NEMP2: variants seen among roughly 807,000 people sequenced by gnomAD.
NEMP2 encodes UPF0571 transmembrane protein.
In NEMP2, 53 loss-of-function variants were observed where a neutral mutation model predicts 54.2. That is an observed-to-expected ratio of 0.98 (90% CI 0.78 to 1.23). NEMP2 has a LOEUF of 1.23. NEMP2 is among the 50% of genes most tolerant of loss of function. The pLI is 0.00. For synonymous variants in NEMP2, 197 were observed against 190.3 expected (o/e 1.04, Z -0.29); for missense variants, 455 against 511.3 (o/e 0.89, Z 1.06).
the NEMP2 span, among the ~76,000 whole-genome samples, chr2:190,590,924 C>CTGGATT: frequency 1.3e-5 from 2 of 152,062 alleles, no homozygotes; most frequent in Non-Finnish European, 2.9e-5. The surrounding 1 kb of genome is among the most constrained non-coding windows in gnomAD (Gnocchi z 5.1). Flanking sequence ...GCTATATTCC[C>CTGGATT]ACAATGAAGA....
the NEMP2 span, among the ~76,000 whole-genome samples, chr2:190,449,067 A>G: frequency 6.6e-6 from 1 of 152,254 alleles, no homozygotes; most frequent in African/African-American, 2.4e-5. Context: ...TTGTCTGTCT[A>G]TATTTTGCCC....
chr2:190,584,066 C>T, the NEMP2 span, among the ~76,000 whole-genome samples: 4 of 152,158 alleles, frequency 2.6e-5, no homozygotes, highest in Non-Finnish European at 4.4e-5. This position sits in a 1 kb window ranked among gnomAD's most constrained non-coding sequence, Gnocchi z 4.2. Context: ...TGCTTCCCCT[C>T]TGTTATTCCC....
At chr2:190,646,512 A>C in the NEMP2 span, among the ~76,000 whole-genome samples, 1 of 152,250 alleles carries the variant, frequency 6.6e-6, no homozygotes, top group Non-Finnish European at 1.5e-5. Context: ...ATACAGACAT[A>C]CAGAATTGGA....
chr2:190,430,278 T>C, the NEMP2 span, among the ~76,000 whole-genome samples: 64,592 of 145,632 alleles, frequency 0.44, 14,740 homozygotes, highest in Admixed American at 0.6. Context: ...GGTCATAGGA[T>C]AGTAGTGGAG....
the NEMP2 span, among the ~76,000 whole-genome samples, chr2:190,426,559 T>C: frequency 1.3e-5 from 2 of 152,212 alleles, no homozygotes; most frequent in African/African-American, 4.8e-5. This position sits in a 1 kb window ranked among gnomAD's most constrained non-coding sequence, Gnocchi z 4.7. Context: ...GGATTGGGCT[T>C]CTGCTGTACC....
chr2:190,471,099 T>A, the NEMP2 span, among the ~76,000 whole-genome samples: 1 of 152,230 alleles, frequency 6.6e-6, no homozygotes, highest in Non-Finnish European at 1.5e-5. The surrounding 1 kb of genome is among the most constrained non-coding windows in gnomAD (Gnocchi z 4.7). Context: ...CATTTAAGAA[T>A]AACAGGAGGG....
At chr2:190,569,789 C>G in the NEMP2 span, among the ~76,000 whole-genome samples, 2 of 152,224 alleles carry the variant, frequency 1.3e-5, 1 homozygote, top group Non-Finnish European at 2.9e-5. Context: ...TGTAATTCAA[C>G]TAGTCTTGCA....
chr2:190,445,014 C>T, the NEMP2 span: 3 of 236,866 alleles, frequency 1.3e-5, no homozygotes, highest in Non-Finnish European at 2.1e-5. Flanking sequence ...CCTGAGGATA[C>T]AAGCCTGAAG....
chr2:190,620,438 A>C, the NEMP2 span: 2 of 152,218 alleles, frequency 1.3e-5, no homozygotes, highest in Admixed American at 1.3e-4. This position sits in a 1 kb window ranked among gnomAD's most constrained non-coding sequence, Gnocchi z 4.9. Flanking sequence ...AAACAAAAAC[A>C]AAACAAAACA....
At chr2:190,447,594 C>T in the NEMP2 span, among the ~76,000 whole-genome samples, 1 of 152,128 alleles carries the variant, frequency 6.6e-6, no homozygotes. The surrounding 1 kb of genome is among the most constrained non-coding windows in gnomAD (Gnocchi z 4.5). Context: ...ACGTTTTAGG[C>T]ATTATAAGCT....
At chr2:190,595,171 T>C in the NEMP2 span, among the ~76,000 whole-genome samples, 2 of 152,192 alleles carry the variant, frequency 1.3e-5, no homozygotes, top group African/African-American at 4.8e-5. This position sits in a 1 kb window ranked among gnomAD's most constrained non-coding sequence, Gnocchi z 4.0. Context: ...CCCTATTTAA[T>C]AAATGGTGTT....
At position 190,523,928 on chromosome 2, in the gene NEMP2, C is replaced by T. The variant is rs1690839533; in HGVS notation, c.213+1335G>A. On this transcript the variant is annotated intron_variant, in intron 2 of 8. Coordinates refer to ENST00000409150, the MANE Select transcript of NEMP2 (RefSeq NM_001142645.2). The surrounding 1 kb of genome is among the most constrained non-coding windows in gnomAD (Gnocchi z 5.3). ...ATGTAAATGGAATAATGGTGCCAGG[C>T]GCAGTGGCTTGCGCCTGTAATCCCA... Among the ~76,000 whole-genome samples the T allele has an allele frequency of 6.6e-6, 1 of 151,886 alleles. No individual in the cohort carries two copies. Among genetic ancestry groups the T allele is most frequent in the Non-Finnish European group, 1.5e-5 (1 of 67,982 alleles).
the NEMP2 span, among the ~76,000 whole-genome samples, chr2:190,596,036 T>C: frequency 1.3e-5 from 2 of 152,190 alleles, no homozygotes; most frequent in African/African-American, 4.8e-5. This position sits in a 1 kb window ranked among gnomAD's most constrained non-coding sequence, Gnocchi z 5.1. Context: ...AAAGAAAATG[T>C]GGCACATATA....
chr2:190,562,487 T>G, the NEMP2 span, among the ~76,000 whole-genome samples: 1 of 152,248 alleles, frequency 6.6e-6, no homozygotes, highest in East Asian at 1.9e-4. This position sits in a 1 kb window ranked among gnomAD's most constrained non-coding sequence, Gnocchi z 5.0. Context: ...GGGTTGGGGC[T>G]GGCACCTTTG....
the NEMP2 span, among the ~76,000 whole-genome samples, chr2:190,578,553 G>A: frequency 6.6e-6 from 1 of 152,080 alleles, no homozygotes; most frequent in Non-Finnish European, 1.5e-5. The surrounding 1 kb of genome is among the most constrained non-coding windows in gnomAD (Gnocchi z 4.4). Flanking sequence ...GAAAAGAAGA[G>A]GAAGTGTGGG....
chr2:190,469,310 T>C, the NEMP2 span, among the ~76,000 whole-genome samples: 1 of 152,304 alleles, frequency 6.6e-6, no homozygotes, highest in East Asian at 1.9e-4. This position sits in a 1 kb window ranked among gnomAD's most constrained non-coding sequence, Gnocchi z 5.3. Context: ...CATTCGTGTT[T>C]ACATATTCTC....
chr2:190,622,816 A>G, the NEMP2 span, among the ~76,000 whole-genome samples: 2 of 152,298 alleles, frequency 1.3e-5, no homozygotes, highest in East Asian at 1.9e-4. Flanking sequence ...ATTTTATTCA[A>G]CATAATACTG....
At chr2:190,635,894 T>TC in the NEMP2 span, among the ~76,000 whole-genome samples, 4 of 152,088 alleles carry the variant, frequency 2.6e-5, no homozygotes, top group South Asian at 8.3e-4. The surrounding 1 kb of genome is among the most constrained non-coding windows in gnomAD (Gnocchi z 4.1). Context: ...TGAGACAGGC[T>TC]CTCACTCTGC....
chr2:190,517,599 T>C lies in NEMP2; in HGVS notation c.533A>G (p.Tyr178Cys), dbSNP rs758625606. 2.2e-5 allele frequency: 34 copies of C among 1,548,924 alleles called. 1 individual carries two copies. In the South Asian group the frequency reaches 3.6e-4, roughly 16 times the overall value. The change falls in exon 5 of 9, where the codon TAT (tyrosine) becomes TGT (cysteine). Residue 178 changes from tyrosine (Y) to cysteine (C), a missense_variant. Coordinates refer to ENST00000409150, the MANE Select transcript of NEMP2 (RefSeq NM_001142645.2). Reference protein sequence around the residue: ...ARTLSQSPTFYYSSGTVLGVL... With the variant: ...ARTLSQSPTFCYSSGTVLGVL... The stretch of plus-strand genomic sequence containing the variant: ...ACCTAGCACAGTTCCCGAGGAGTAA[T>C]AGAAAGTAGGGCTTCTGTCAAGATA...
Sources: allele counts gnomAD v4.1 joint callset (sites outside exome capture counted in the v4.1 genomes callset), GRCh38; gene constraint gnomAD v4.1.1; non-coding constraint Gnocchi (gnomAD v3.1); transcripts MANE v1.5; gene names NCBI Gene and HGNC (gene_info 2026-07-23, HGNC 2026-07-21).